The following ANKRD12 variants were observed in gnomAD, a reference collection of about 807,000 sequenced individuals.
ANKRD12 encodes the protein ankyrin repeat domain-containing protein 12.
A neutral mutation model predicts 183.4 loss-of-function variants in ANKRD12; 85 were observed. That is an observed-to-expected ratio of 0.46 (90% CI 0.39 to 0.56). ANKRD12 has a LOEUF of 0.56. Among genes scored for constraint, ANKRD12 ranks in the 20% least tolerant of loss-of-function variants. ANKRD12 has a pLI of 0.00. For synonymous variants in ANKRD12, 914 were observed against 800.2 expected (o/e 1.14, Z -2.40); for missense variants, 2,405 against 2,357.1 (o/e 1.02, Z -0.42).
At chr18:9,267,626 G>T (rs566855384) in intron 10 of ANKRD12, among the ~76,000 whole-genome samples, 1 of 152,094 alleles carries the variant, frequency 6.6e-6, no homozygotes, top group Non-Finnish European at 1.5e-5. Flanking sequence ...AAAGCAGTGT[G>T]TAGAGGGAAA....
At chr18:9,264,415 G>T (rs1352851707) in intron 10 of ANKRD12, among the ~76,000 whole-genome samples, 1 of 152,134 alleles carries the variant, frequency 6.6e-6, no homozygotes, top group Non-Finnish European at 1.5e-5. Context: ...GAGGGTTGAG[G>T]ACCTCTGAAA....
At chr18:9,183,772 A>C (rs2033863303) in intron 2 of ANKRD12, among the ~76,000 whole-genome samples, 1 of 152,110 alleles carries the variant, frequency 6.6e-6, no homozygotes, top group Non-Finnish European at 1.5e-5. Flanking sequence ...TCTTGATTAC[A>C]GTACTTAGTC....
intron 1 of ANKRD12, among the ~76,000 whole-genome samples, chr18:9,164,154 G>A (rs977049686): frequency 1.3e-5 from 2 of 152,090 alleles, no homozygotes; most frequent in Admixed American, 6.6e-5. Context: ...AATAGCTGTG[G>A]GTTTGTCATA....
chr18:9,259,396 T>C (rs34322928), intron 9 of ANKRD12: 16,896 of 150,468 alleles, frequency 0.11, 1,087 homozygotes, highest in African/African-American at 0.17. Context: ...AACACATTTA[T>C]GTGTTTAACA....
chr18:9,224,046 A>G lies in ANKRD12; in HGVS notation c.943+2047A>G, dbSNP rs369954741. On this transcript the variant is annotated intron_variant, in intron 8 of 12. Transcript: ENST00000262126. ...ATTATATAAAGAAACAAATGTCCTA[A>G]TATTTCTAGACAATATAGCAGAATG... 2.4e-4 allele frequency among the ~76,000 whole-genome samples: 37 copies of G among 152,324 alleles called. No homozygotes were observed. The South Asian group carries it at 5.4e-3, about 22-fold the overall frequency.
At chr18:9,191,864 G>T (rs1418264802) in intron 2 of ANKRD12, among the ~76,000 whole-genome samples, 1 of 152,000 alleles carries the variant, frequency 6.6e-6, no homozygotes, top group East Asian at 1.9e-4. Context: ...CCAGAACCAG[G>T]CACCAATTAG....
At chr18:9,163,569 G>T (rs1233754592) in intron 1 of ANKRD12, among the ~76,000 whole-genome samples, 3 of 152,084 alleles carry the variant, frequency 2.0e-5, no homozygotes, top group Non-Finnish European at 2.9e-5. Flanking sequence ...ATTCTGTGAA[G>T]AACGTCAATG....
At chr18:9,153,070 G>C (rs1218915863) in intron 1 of ANKRD12, among the ~76,000 whole-genome samples, 1 of 152,156 alleles carries the variant, frequency 6.6e-6, no homozygotes, top group Non-Finnish European at 1.5e-5. Flanking sequence ...CTGACCTCAA[G>C]CAGTCCTCCT....
chr18:9,149,090 AT>A (rs1349520496), intron 1 of ANKRD12, among the ~76,000 whole-genome samples: 6 of 152,086 alleles, frequency 3.9e-5, no homozygotes, highest in Non-Finnish European at 8.8e-5. Flanking sequence ...TCTTCTTGAA[AT>A]TCCCTACCCC....
At position 9,284,246 on chromosome 18, in the gene ANKRD12, A is replaced by G. The variant is rs1301510074; in HGVS notation, c.*3120A>G. On this transcript the variant is annotated 3_prime_UTR_variant, in exon 13 of 13. Transcript: ENST00000262126. Reference sequence around the variant, plus strand: ...AAAGCACAATAAAGCAAAGCACAATAGAACAGGATTGCCTGTATTAGACAT... The same window carrying G: ...AAAGCACAATAAAGCAAAGCACAATGGAACAGGATTGCCTGTATTAGACAT... 1 of 152,252 alleles carries G rather than the reference A, an allele frequency of 6.6e-6. No homozygotes were observed. Among genetic ancestry groups the G allele is most frequent in the African/African-American group, 2.4e-5 (1 of 41,474 alleles). 9.4% of individuals were successfully genotyped at this position (152,252 alleles called of 1,614,324 possible). A position where few individuals can be genotyped will look rare whatever the true frequency, so the allele number is the denominator to read the frequency against.
intron 8 of ANKRD12, among the ~76,000 whole-genome samples, chr18:9,235,477 G>A (rs1455974285): frequency 6.6e-6 from 1 of 152,110 alleles, no homozygotes; most frequent in African/African-American, 2.4e-5. Flanking sequence ...TTACTATTTT[G>A]CCATAGTTAA....
chr18:9,190,457 A>G (rs1398952005), intron 2 of ANKRD12, among the ~76,000 whole-genome samples: 1 of 152,252 alleles, frequency 6.6e-6, no homozygotes, highest in African/African-American at 2.4e-5. Flanking sequence ...AATTTAGTAT[A>G]TTACATAAAC....
chr18:9,181,544 T>C (rs550920189), intron 1 of ANKRD12, among the ~76,000 whole-genome samples: 2 of 152,350 alleles, frequency 1.3e-5, no homozygotes, highest in Non-Finnish European at 2.9e-5. Flanking sequence ...CCCAGTGCTG[T>C]GCAGTAGACC....
chr18:9,169,588 T>C (rs141421034), intron 1 of ANKRD12, among the ~76,000 whole-genome samples: 2,971 of 152,288 alleles, frequency 0.02, 47 homozygotes, highest in Middle Eastern at 0.048. Context: ...CATCCCTTTA[T>C]TTTGAGCCTA....
chr18:9,257,584 T>A lies in ANKRD12; in HGVS notation c.4317T>A (p.Ser1439=). The A allele has an allele frequency of 6.2e-7, 1 of 1,614,122 alleles. No homozygotes were observed. Among genetic ancestry groups the A allele is most frequent in the Non-Finnish European group, 8.5e-7 (1 of 1,179,986 alleles). The change falls in exon 9 of 13, where the codon TCT becomes TCA. Residue 1439 remains serine, a synonymous_variant. Transcript: ENST00000262126. The part of the protein sequence containing the change: ...LSTRDFICPN[S]NIPDQESSLQ... ...CCAGAGACTTTATCTGCCCAAATTC[T>A]AACATACCTGATCAAGAATCCTCTC...
chr18:9,192,411 T>G (rs1442563061), intron 2 of ANKRD12, among the ~76,000 whole-genome samples: 1 of 152,188 alleles, frequency 6.6e-6, no homozygotes, highest in Non-Finnish European at 1.5e-5. Context: ...GATTATAATA[T>G]ATTCTAAGAA....
At chr18:9,264,885 AACAGCTCCAGTCT>A (rs1156993074) in intron 10 of ANKRD12, among the ~76,000 whole-genome samples, 2 of 152,224 alleles carry the variant, frequency 1.3e-5, no homozygotes, top group African/African-American at 4.8e-5. Flanking sequence ...GCCGAATAGG[AACAGCTCCAGTCT>A]ACAGCTGCCA....
At chr18:9,155,449 C>G (rs1229973990) in intron 1 of ANKRD12, among the ~76,000 whole-genome samples, 1 of 152,136 alleles carries the variant, frequency 6.6e-6, no homozygotes, top group Non-Finnish European at 1.5e-5. Flanking sequence ...ATTATCTTTA[C>G]ATATTTGTGT....
At chr18:9,269,816 C>T (rs2039498114) in intron 10 of ANKRD12, among the ~76,000 whole-genome samples, 1 of 152,098 alleles carries the variant, frequency 6.6e-6, no homozygotes, top group Non-Finnish European at 1.5e-5. Flanking sequence ...AAGAAACTAC[C>T]ATCAGAGTGA....
Sources: gnomAD v4.1 joint callset for allele counts (sites outside exome capture counted in the v4.1 genomes callset) on GRCh38, gnomAD v4.1.1 for gene constraint, MANE v1.5 for transcripts, NCBI Gene and HGNC (gene_info 2026-07-23, HGNC 2026-07-21) for gene names.